The following TPD52L1 variants were observed in gnomAD, a reference collection of about 807,000 sequenced individuals.
The protein encoded by TPD52L1 is tumor protein D53.
TPD52L1 carries 18 observed loss-of-function variants against 28.7 expected under a neutral mutation model. The ratio of observed to expected loss-of-function variants is 0.63; its 90% CI spans 0.43 to 0.93. The LOEUF is 0.93. Among genes scored for constraint, TPD52L1 ranks in the 40% least tolerant of loss-of-function variants. The pLI is 0.00. For missense variants in TPD52L1, 203 were observed against 254.8 expected (o/e 0.80, Z 1.39); for synonymous variants, 75 against 88.8 (o/e 0.84, Z 0.88).
chr6:125,194,926 A>G (rs1377039957), intron 1 of TPD52L1, among the ~76,000 whole-genome samples: 1 of 152,230 alleles, frequency 6.6e-6, no homozygotes. Context: ...AGGATAGCCC[A>G]CCTATAAACA....
At chr6:125,195,945 G>A (rs1280448680) in intron 1 of TPD52L1, among the ~76,000 whole-genome samples, 1 of 152,182 alleles carries the variant, frequency 6.6e-6, no homozygotes, top group African/African-American at 2.4e-5. Flanking sequence ...CAGAGGCCCT[G>A]TCTGCTCTGA....
intron 1 of TPD52L1, among the ~76,000 whole-genome samples, chr6:125,197,464 G>A (rs1283689650): frequency 1.3e-5 from 2 of 151,944 alleles, no homozygotes; most frequent in Non-Finnish European, 2.9e-5. Flanking sequence ...CTTCTATTTT[G>A]AGTTCTTTTT....
At chr6:125,166,396 G>A (rs1790903562) in intron 1 of TPD52L1, among the ~76,000 whole-genome samples, 1 of 152,198 alleles carries the variant, frequency 6.6e-6, no homozygotes, top group East Asian at 1.9e-4. Context: ...TCAGCCCTGG[G>A]AAGAAGTATA....
In TPD52L1 at chr6:125,166,309, C is replaced by T. The variant is rs552807877; in HGVS notation, c.19+12339C>T. On this transcript the variant is annotated intron_variant, in intron 1 of 6. Transcript: ENST00000534000. ...CTCATTGTCTATAAATATTTTCCAA[C>T]ATTTTGTTTTCCAAAATGGACTCAT... 2.0e-5 allele frequency among the ~76,000 whole-genome samples: 3 copies of T among 152,262 alleles called. No individual in the cohort carries two copies. The South Asian group carries it at 6.2e-4, about 32-fold the overall frequency.
At chr6:125,175,940 T>C (rs1376661532) in intron 1 of TPD52L1, among the ~76,000 whole-genome samples, 2 of 152,202 alleles carry the variant, frequency 1.3e-5, no homozygotes, top group African/African-American at 4.8e-5. Flanking sequence ...CTGAGCCATA[T>C]GTTTTGAGTG....
At chr6:125,201,813 T>C (rs1418286526) in intron 1 of TPD52L1, among the ~76,000 whole-genome samples, 4 of 152,230 alleles carry the variant, frequency 2.6e-5, no homozygotes, top group African/African-American at 7.2e-5. Context: ...TTATTCTTGC[T>C]CAACATGTCA....
In TPD52L1 at chr6:125,154,331, T is replaced by C. The variant is rs1035996911; in HGVS notation, c.19+361T>C. 8 of 1,073,158 alleles carry C rather than the reference T, an allele frequency of 7.5e-6. No homozygotes were observed. The African/African-American group carries it at 1.2e-4, about 16-fold the overall frequency. The allele number at this position is 1,073,158 out of a possible 1,614,324, so 66.5% of individuals were successfully genotyped here. ...AAAGCGTGTTTCGCTCCCTTTCCCT[T>C]GAGGGAGTGGGGAGGGAATGTGACT... On this transcript the variant is annotated intron_variant, in intron 1 of 6. Transcript: ENST00000534000.
At chr6:125,184,318 A>T (rs952323249) in intron 1 of TPD52L1, among the ~76,000 whole-genome samples, 1 of 152,152 alleles carries the variant, frequency 6.6e-6, no homozygotes, top group African/African-American at 2.4e-5. Context: ...AATGGATGGG[A>T]TTTTTTTGAC....
At chr6:125,219,933 G>GAAAAATTTA in intron 1 of TPD52L1, 145 bp from the exon 2 acceptor site, 1 of 705,950 alleles carries the variant, frequency 1.4e-6, no homozygotes, top group Non-Finnish European at 2.6e-6. Context: ...CACACATTTA[G>GAAAAATTTA]GAGGATTTTT....
intron 1 of TPD52L1, among the ~76,000 whole-genome samples, chr6:125,158,649 G>T (rs1163165293): frequency 1.3e-5 from 2 of 152,122 alleles, no homozygotes; most frequent in Admixed American, 6.5e-5. Flanking sequence ...TATTGATATT[G>T]CATGGAAGAT....
chr6:125,253,720 C>T lies in TPD52L1; in HGVS notation c.390C>T (p.Tyr130=). The T allele has an allele frequency of 6.2e-7, 1 of 1,613,196 alleles. No homozygotes were observed. The highest frequency in any genetic ancestry group is 8.5e-7 in the Non-Finnish European group (1 of 1,179,628). The change falls in exon 5 of 7, where the codon TAC becomes TAT. Residue 130 remains tyrosine (Y), a synonymous_variant. Coordinates refer to ENST00000534000, the MANE Select transcript of TPD52L1 (RefSeq NM_003287.4). ...TTAATCTGCTTTTGCTCTGAAGTTA[C>T]TCCATTCGCCATTCCATAAGTATGC... ...AISKKFGDMS[Y]SIRHSISMPA...
At chr6:125,209,984 G>T (rs1264529781) in intron 1 of TPD52L1, among the ~76,000 whole-genome samples, 1 of 152,028 alleles carries the variant, frequency 6.6e-6, no homozygotes, top group Non-Finnish European at 1.5e-5. Flanking sequence ...TCTCTCTTTT[G>T]CCTGAATTCT....
In TPD52L1 at chr6:125,224,630, A is replaced by C. The variant is rs541717130; in HGVS notation, c.135+4437A>C. On this transcript the variant is annotated intron_variant, in intron 2 of 6. Coordinates refer to ENST00000534000, the MANE Select transcript of TPD52L1 (RefSeq NM_003287.4). ...TTTTAATCTTGGGTCTCTTAGCCAA[A>C]GGCAAGAGTAGCCCAGAGAGGCAGG... 9.2e-5 allele frequency among the ~76,000 whole-genome samples: 14 copies of C among 152,340 alleles called. No homozygotes were observed. The South Asian group carries it at 2.7e-3, about 29-fold the overall frequency.
intron 5 of TPD52L1, among the ~76,000 whole-genome samples, chr6:125,254,813 T>A (rs1797497091): frequency 6.6e-6 from 1 of 152,224 alleles, no homozygotes; most frequent in Non-Finnish European, 1.5e-5. Context: ...GTACATCTGA[T>A]TAAATCTGAT....
At chr6:125,219,841 G>A (rs1795112250) in intron 1 of TPD52L1, 1 of 502,664 alleles carries the variant, frequency 2.0e-6, no homozygotes, top group Non-Finnish European at 3.6e-6. Context: ...AGCTTGTCCT[G>A]TTTACATCTC....
intron 1 of TPD52L1, among the ~76,000 whole-genome samples, chr6:125,163,639 C>A (rs1343961098): frequency 2.0e-5 from 3 of 149,014 alleles, no homozygotes; most frequent in African/African-American, 7.4e-5. Context: ...TTAATAAGTA[C>A]AACAGGCCGG....
intron 1 of TPD52L1, 55 bp downstream of exon 1, chr6:125,154,025 C>G (rs373505547): frequency 3.2e-6 from 5 of 1,570,154 alleles, no homozygotes; most frequent in South Asian, 1.2e-5. Flanking sequence ...CATAAAGGCT[C>G]TTTTCCTGCA....
intron 1 of TPD52L1, among the ~76,000 whole-genome samples, chr6:125,216,380 G>A (rs932466213): frequency 6.6e-6 from 1 of 151,760 alleles, no homozygotes; most frequent in African/African-American, 2.4e-5. Flanking sequence ...AGCAAACAGG[G>A]TAAATTATTA....
intron 1 of TPD52L1, among the ~76,000 whole-genome samples, chr6:125,170,551 A>T (rs796514256): frequency 6.6e-5 from 10 of 152,068 alleles, no homozygotes; most frequent in African/African-American, 2.4e-4. Context: ...CTGCATTAAC[A>T]AGTAATACCC....
Sources: allele counts gnomAD v4.1 joint callset (sites outside exome capture counted in the v4.1 genomes callset), GRCh38; gene constraint gnomAD v4.1.1; transcripts MANE v1.5; gene names NCBI Gene and HGNC (gene_info 2026-07-23, HGNC 2026-07-21).